The following CTNS variants were observed in gnomAD, a reference collection of about 807,000 sequenced individuals.
The protein encoded by CTNS is cystinosin.
In CTNS, 27 loss-of-function variants were observed where a neutral mutation model predicts 43.7. The ratio of observed to expected loss-of-function variants is 0.62; its 90% CI spans 0.46 to 0.85. The LOEUF is 0.85. CTNS is among the 40% of genes least tolerant of loss of function. The probability of loss-of-function intolerance (pLI) is 0.00; values close to 1 mark genes in which losing one functional copy is unlikely to be tolerated. For missense variants in CTNS, 457 were observed against 475.4 expected, an observed-to-expected ratio of 0.96 and a Z score of 0.36; for synonymous variants, 187 against 190.6, an observed-to-expected ratio of 0.98 and a Z score of 0.16.
intron 11 of CTNS, 28 bp from the exon 12 acceptor site, chr17:3,660,208 C>T: frequency 6.2e-7 from 1 of 1,613,918 alleles, no homozygotes; most frequent in Non-Finnish European, 8.5e-7. Flanking sequence ...CAACCTAACA[C>T]CAGCTTCTGT....
intron 5 of CTNS, 73 bp downstream of exon 5, chr17:3,649,004 G>C (rs2075910998): frequency 2.3e-6 from 3 of 1,285,264 alleles, no homozygotes; most frequent in Non-Finnish European, 3.4e-6. Context: ...AGAGCTGGTG[G>C]AAACAGGTCT....
Position 3,647,522 on chromosome 17 carries a change from G to A in CTNS, c.140G>A (p.Arg47Gln), listed in dbSNP as rs745744798. The change falls in exon 4 of 12, where the codon CGG (arginine) becomes CAG (glutamine). Residue 47 changes from arginine to glutamine, a missense_variant and splice_region_variant. Coordinates refer to ENST00000046640, the MANE Select transcript of CTNS (RefSeq NM_004937.3). ...TCGACCAACGTCAGCCTCACCCTGC[G>A]GTAAGTTCCTGGGCCTGGCGCTGTG... The part of the protein sequence containing the change: ...GSSTNVSLTL[R>Q]PPLNATLVIT... 1.8e-5 allele frequency: 29 copies of A among 1,613,844 alleles called. No individual in the cohort carries two copies. Among genetic ancestry groups the A allele is most frequent in the Non-Finnish European group, 2.2e-5 (26 of 1,179,896 alleles).
chr17:3,658,311 G>GCTCCCGCTGGGCTC, intron 10 of CTNS, 136 bp downstream of exon 10: 1 of 1,234,300 alleles, frequency 8.1e-7, no homozygotes, highest in Non-Finnish European at 1.1e-6. Context: ...CGGGAGCCCA[G>GCTCCCGCTGGGCTC]CGGGAGCGGG....
intron 4 of CTNS, 59 bp from the exon 5 acceptor site, chr17:3,648,788 G>T (rs1016148045): frequency 1.5e-6 from 2 of 1,355,180 alleles, no homozygotes; most frequent in Admixed American, 3.3e-5. Flanking sequence ...AATCCAGAGG[G>T]TTGGTTGAGA....
chr17:3,640,763 A>G (rs2075665651), intron 3 of CTNS, among the ~76,000 whole-genome samples: 1 of 152,100 alleles, frequency 6.6e-6, no homozygotes, highest in Non-Finnish European at 1.5e-5. Context: ...AATTAGCCAT[A>G]TGCAGTGGCT....
intron 9 of CTNS, 150 bp downstream of exon 9, chr17:3,656,945 G>C: frequency 7.7e-7 from 1 of 1,293,232 alleles, no homozygotes; most frequent in Non-Finnish European, 1.1e-6. Context: ...ACACCCATGA[G>C]TCCAGGCCCT....
upstream of CTNS, chr17:3,636,736 T>G (rs2075537745): frequency 6.5e-6 from 1 of 153,670 alleles, no homozygotes; most frequent in Non-Finnish European, 1.5e-5. Flanking sequence ...TCTCCCAAAG[T>G]CTAGCCGGGC....
rs1285563496 is a variant in CTNS, at chr17:3,661,817, C to T, written c.*1448C>T. On this transcript the variant is annotated 3_prime_UTR_variant, in exon 12 of 12. Coordinates refer to ENST00000046640, the MANE Select transcript of CTNS (RefSeq NM_004937.3). ...GGTGGATGAGGTTCTGAAGGGCACA[C>T]CAGCACTGGGAGCGGGGGCAGTGGG... Among the ~76,000 whole-genome samples, 1 of 152,182 alleles carries T rather than the reference C, an allele frequency of 6.6e-6. No individual in the cohort carries two copies. Among genetic ancestry groups the T allele is most frequent in the African/African-American group, 2.4e-5 (1 of 41,446 alleles).
chr17:3,641,815 C>T (rs993246345), intron 3 of CTNS, among the ~76,000 whole-genome samples: 4 of 152,256 alleles, frequency 2.6e-5, no homozygotes, highest in East Asian at 3.9e-4. Context: ...AACATGGTCA[C>T]GTGATCATCT....
Position 3,648,997 on chromosome 17 carries a change from G to T in CTNS, c.225+66G>T. 5 of 1,368,866 alleles carry T rather than the reference G, an allele frequency of 3.7e-6. No individual in the cohort carries two copies. The Admixed American group carries it at 8.4e-5, about 23-fold the overall frequency. 84.8% of individuals were successfully genotyped at this position (1,368,866 alleles called of 1,614,324 possible). ...GTAACAGAACACATTTGAATTAAGA[G>T]CTGGTGGAAACAGGTCTCCTAGGCG... is the stretch of plus-strand genomic sequence containing the variant. On this transcript the variant is annotated intron_variant, in intron 5 of 11. Transcript: ENST00000046640.
intron 4 of CTNS, among the ~76,000 whole-genome samples, chr17:3,648,322 T>C (rs161352): frequency 1 from 152,243 of 152,320 alleles, 76,083 homozygotes; most frequent in Middle Eastern, 1. Flanking sequence ...GCCCCTGGAG[T>C]GGCCTCCCAC....
Position 3,656,561 on chromosome 17 carries a change from GCCT to G in CTNS, c.541_543del (p.Leu181del). Reference sequence around the variant, plus strand: ...GTGGCCTACAGTGTATTCAACATCGGCCTCCTCTGGGTGCCCTACATCAAGGTA... The same window carrying G: ...GTGGCCTACAGTGTATTCAACATCGGCCTCTGGGTGCCCTACATCAAGGTA... On this transcript the variant is annotated inframe_deletion, in exon 8 of 12. Transcript: ENST00000046640. 6.2e-7 allele frequency: 1 copy of G among 1,610,430 alleles called. No homozygotes were observed. Among genetic ancestry groups the G allele is most frequent in the Non-Finnish European group, 8.5e-7 (1 of 1,179,324 alleles).
chr17:3,638,842 A>C (rs7350922), intron 2 of CTNS, among the ~76,000 whole-genome samples: 24,240 of 152,172 alleles, frequency 0.16, 2,117 homozygotes, highest in East Asian at 0.25. Flanking sequence ...CAATTCCTCC[A>C]AGGTCAGGGG....
chr17:3,653,200 T>C lies in CTNS; in HGVS notation c.226-1798T>C, dbSNP rs192914035. On this transcript the variant is annotated intron_variant, in intron 5 of 11. Coordinates refer to ENST00000046640, the MANE Select transcript of CTNS (RefSeq NM_004937.3). ...GCCGAAGCGGGTGGATCACCTGAGGTCAGAAGATCGAGACCAGCCTGGCCA... is the reference window on the plus strand; with the variant it reads ...GCCGAAGCGGGTGGATCACCTGAGGCCAGAAGATCGAGACCAGCCTGGCCA... 1.3e-4 allele frequency among the ~76,000 whole-genome samples: 19 copies of C among 151,452 alleles called. No individual in the cohort carries two copies. The East Asian group carries it at 3.8e-3, about 30-fold the overall frequency.
chr17:3,650,492 A>C, intron 5 of CTNS: 1 of 796,420 alleles, frequency 1.3e-6, no homozygotes, highest in Non-Finnish European at 1.9e-6. Context: ...TAAAAAATTA[A>C]AAATAAAAAT....
chr17:3,657,869 C>A (rs1018928721), intron 9 of CTNS, 136 bp from the exon 10 acceptor site: 1 of 927,222 alleles, frequency 1.1e-6, no homozygotes, highest in Non-Finnish European at 1.7e-6. Context: ...GCAGCCCCCA[C>A]CTTGCAGGGG....
chr17:3,662,013 A>G lies in CTNS; in HGVS notation c.*1644A>G, dbSNP rs905080849. Among the ~76,000 whole-genome samples the G allele has an allele frequency of 4.6e-5, 7 of 152,166 alleles. No homozygotes were observed. Among genetic ancestry groups the G allele is most frequent in the African/African-American group, 1.7e-4 (7 of 41,442 alleles). Reference sequence around the variant, plus strand: ...CCTACTTTAAAAATCAGAGATTTCAAATGATTGACTTTTCCGGCTGAGTGC... The same window carrying G: ...CCTACTTTAAAAATCAGAGATTTCAGATGATTGACTTTTCCGGCTGAGTGC... On this transcript the variant is annotated 3_prime_UTR_variant, in exon 12 of 12. Transcript: ENST00000046640.
At chr17:3,648,323 G>A (rs1244630069) in intron 4 of CTNS, among the ~76,000 whole-genome samples, 3 of 152,164 alleles carry the variant, frequency 2.0e-5, no homozygotes, top group South Asian at 4.1e-4. Flanking sequence ...CCCCTGGAGT[G>A]GCCTCCCACT....
chr17:3,662,292 C>G lies in CTNS; in HGVS notation c.*1923C>G, dbSNP rs1005640561. Among the ~76,000 whole-genome samples the G allele has an allele frequency of 2.8e-5, 4 of 144,854 alleles. No homozygotes were observed. Among genetic ancestry groups the G allele is most frequent in the Non-Finnish European group, 6.0e-5 (4 of 66,636 alleles). On this transcript the variant is annotated 3_prime_UTR_variant, in exon 12 of 12. Transcript: ENST00000046640. ...CGCCATTGCACTCCAGCCTGGGCAA[C>G]AAGAACGAAACTCCATCTCAAAAAA...
Sources: gnomAD v4.1 joint callset for allele counts (sites outside exome capture counted in the v4.1 genomes callset) on GRCh38, gnomAD v4.1.1 for gene constraint, MANE v1.5 for transcripts, NCBI Gene and HGNC (gene_info 2026-07-23, HGNC 2026-07-21) for gene names.